Variants in ZNF385B observed in about 807,000 individuals in gnomAD.
The protein encoded by ZNF385B is zinc finger protein 385B, also known as zinc finger protein 533.
ZNF385B carries 23 observed loss-of-function variants against 39.2 expected under a neutral mutation model. The ratio of observed to expected loss-of-function variants is 0.59; its 90% CI spans 0.42 to 0.83. The LOEUF (loss-of-function observed/expected upper bound fraction) is 0.83. Among genes scored for constraint, ZNF385B ranks in the 40% least tolerant of loss-of-function variants. The pLI is 0.00. For synonymous variants in ZNF385B, 205 were observed against 222.6 expected (o/e 0.92, Z 0.70); for missense variants, 552 against 598.9 (o/e 0.92, Z 0.82).
intron 3 of ZNF385B, among the ~76,000 whole-genome samples, chr2:179,738,492 A>C (rs1407779967): frequency 6.6e-6 from 1 of 152,290 alleles, no homozygotes; most frequent in South Asian, 2.1e-4. Flanking sequence ...ATTGTGTGAA[A>C]CAATCATATC....
At chr2:179,456,836 T>G (rs1205964662) in intron 6 of ZNF385B, among the ~76,000 whole-genome samples, 3 of 152,316 alleles carry the variant, frequency 2.0e-5, no homozygotes, top group Admixed American at 2.0e-4. Context: ...TTTATAGTCA[T>G]TATCTAATTT....
At chr2:179,476,471 G>A (rs114314575) in intron 6 of ZNF385B, among the ~76,000 whole-genome samples, 2 of 152,306 alleles carry the variant, frequency 1.3e-5, no homozygotes, top group African/African-American at 4.8e-5. Flanking sequence ...TAAATCCTAA[G>A]TTAACAGACA....
At chr2:179,830,370 C>T (rs541465850) in intron 1 of ZNF385B, among the ~76,000 whole-genome samples, 8 of 152,324 alleles carry the variant, frequency 5.3e-5, no homozygotes, top group African/African-American at 1.9e-4. Context: ...AATTGCACTC[C>T]TGGATATTTA....
chr2:179,820,352 T>A (rs1404289708), intron 1 of ZNF385B, among the ~76,000 whole-genome samples: 1 of 152,056 alleles, frequency 6.6e-6, no homozygotes, highest in Non-Finnish European at 1.5e-5. Flanking sequence ...CATTTCTAAA[T>A]TTGTTGATTT....
intron 6 of ZNF385B, among the ~76,000 whole-genome samples, chr2:179,473,364 T>C (rs967981475): frequency 6.6e-6 from 1 of 152,156 alleles, no homozygotes; most frequent in South Asian, 2.1e-4. Context: ...AGAGTCAAAA[T>C]ATAGGCAGGA....
At chr2:179,794,265 C>T (rs1330536183) in intron 1 of ZNF385B, among the ~76,000 whole-genome samples, 3 of 152,136 alleles carry the variant, frequency 2.0e-5, no homozygotes, top group Non-Finnish European at 4.4e-5. Context: ...CACCCAACCT[C>T]CACAGGTATT....
In ZNF385B at chr2:179,561,498, A is replaced by G. The variant is rs185555573; in HGVS notation, c.299-16529T>C. Among the ~76,000 whole-genome samples, 33 of 152,240 alleles carry G rather than the reference A, an allele frequency of 2.2e-4. No individual in the cohort carries two copies. The East Asian group carries it at 2.9e-3, about 13-fold the overall frequency. ...AATAAAAGAAGTCAATGCTCTTTCAATATTTTTCAAGCCACCTGAAATCCC... is the reference window on the plus strand; with the variant it reads ...AATAAAAGAAGTCAATGCTCTTTCAGTATTTTTCAAGCCACCTGAAATCCC... On this transcript the variant is annotated intron_variant, in intron 3 of 9. Transcript: ENST00000410066.
In ZNF385B at chr2:179,788,314, T is replaced by C. The variant is rs187336618; in HGVS notation, c.-154-17642A>G. Among the ~76,000 whole-genome samples the C allele has an allele frequency of 1.3e-4, 20 of 152,322 alleles. No homozygotes were observed. In the East Asian group the frequency reaches 3.7e-3, roughly 28 times the overall value. ...TATTTTCTGGTCCTTTGGCAGGTTC[T>C]TATCTTCCCCTTGCAGTTACCCTAT... On this transcript the variant is annotated intron_variant, in intron 1 of 9. Transcript: ENST00000410066.
At chr2:179,626,293 A>G (rs1269273863) in intron 3 of ZNF385B, among the ~76,000 whole-genome samples, 2 of 152,168 alleles carry the variant, frequency 1.3e-5, no homozygotes, top group Non-Finnish European at 2.9e-5. Context: ...CAAATTTCCA[A>G]TGGCCAAATA....
intron 3 of ZNF385B, among the ~76,000 whole-genome samples, chr2:179,559,765 G>A (rs1420142612): frequency 6.6e-6 from 1 of 151,936 alleles, no homozygotes; most frequent in African/African-American, 2.4e-5. Flanking sequence ...GGTTACTTGT[G>A]TGTGTGGTAA....
intron 1 of ZNF385B, among the ~76,000 whole-genome samples, chr2:179,850,799 T>A (rs1684075054): frequency 6.6e-6 from 1 of 152,160 alleles, no homozygotes. Flanking sequence ...GAAGTAAAAG[T>A]GGGCTAGACC....
intron 3 of ZNF385B, among the ~76,000 whole-genome samples, chr2:179,769,022 A>G (rs1003227966): frequency 2.6e-5 from 4 of 152,246 alleles, no homozygotes; most frequent in Admixed American, 2.6e-4. Context: ...CTCTAAAAGA[A>G]TATGACAAGT....
intron 3 of ZNF385B, among the ~76,000 whole-genome samples, chr2:179,560,171 G>GC (rs1352211317): frequency 2.0e-5 from 3 of 151,960 alleles, no homozygotes; most frequent in Non-Finnish European, 2.9e-5. Flanking sequence ...TCCTATCCCA[G>GC]CAATGAACAC....
At chr2:179,728,112 G>A (rs1575360555) in intron 3 of ZNF385B, among the ~76,000 whole-genome samples, 1 of 152,060 alleles carries the variant, frequency 6.6e-6, no homozygotes, top group African/African-American at 2.4e-5. Flanking sequence ...AAAAATCAAT[G>A]AGAAAGTTGT....
intron 3 of ZNF385B, among the ~76,000 whole-genome samples, chr2:179,760,878 A>T (rs182185400): frequency 2.0e-5 from 3 of 152,360 alleles, no homozygotes; most frequent in Admixed American, 6.5e-5. Flanking sequence ...TGTTTTTTAC[A>T]TTTAAATCTA....
chr2:179,689,714 T>C (rs1043773290), intron 3 of ZNF385B, among the ~76,000 whole-genome samples: 4 of 152,012 alleles, frequency 2.6e-5, no homozygotes, highest in Non-Finnish European at 5.9e-5. Context: ...TGGTTTCTCA[T>C]TGAGTTCCAT....
chr2:179,721,307 G>A (rs986784705), intron 3 of ZNF385B, among the ~76,000 whole-genome samples: 2 of 151,956 alleles, frequency 1.3e-5, no homozygotes, highest in African/African-American at 4.8e-5. Context: ...AACATTCTGA[G>A]GAAAATACAA....
chr2:179,510,404 T>TATGTGAATATACATATATATATAGGTGA (rs2057584062), intron 5 of ZNF385B, among the ~76,000 whole-genome samples: 1 of 152,102 alleles, frequency 6.6e-6, no homozygotes, highest in Non-Finnish European at 1.5e-5. Context: ...AATGTTTATA[T>TATGTGAATATACATATATATATAGGTGA]ATGTGAATAT....
At chr2:179,856,473 C>A (rs1187546631) in intron 1 of ZNF385B, among the ~76,000 whole-genome samples, 1 of 152,064 alleles carries the variant, frequency 6.6e-6, no homozygotes, top group African/African-American at 2.4e-5. Context: ...TGCCCAACAT[C>A]TCACCCTAGC....
Sources: gnomAD v4.1 joint callset for allele counts (sites outside exome capture counted in the v4.1 genomes callset) on GRCh38, gnomAD v4.1.1 for gene constraint, MANE v1.5 for transcripts, NCBI Gene and HGNC (gene_info 2026-07-23, HGNC 2026-07-21) for gene names.